The following RLIM variants were observed in gnomAD, a reference collection of about 807,000 sequenced individuals.
RLIM encodes the protein E3 ubiquitin-protein ligase RLIM.
A neutral mutation model predicts 34.0 loss-of-function variants in RLIM; 2 were observed. The observed-to-expected ratio is 0.06, with a 90% CI of 0.02 to 0.19. The LOEUF is 0.19. RLIM is among the 10% of genes least tolerant of loss of function. The probability of loss-of-function intolerance (pLI) is 1.00; values close to 1 mark genes in which losing one functional copy is unlikely to be tolerated. For synonymous variants in RLIM, 169 were observed against 164.0 expected (o/e 1.03, Z -0.23); for missense variants, 286 against 479.7 (o/e 0.60, Z 3.77).
In RLIM at chrX:74,595,921, G is replaced by C. The variant is rs769278257; in HGVS notation, c.57C>G (p.Arg19=). ...GATCCAATCGGTCCATCTGACTTCT[G>C]CGCTGTGCTGCAGACTGATCACCAC... ...KGSGDQSAAQ[R]RSQMDRLDRE... The change falls in exon 2 of 4, where the codon CGC becomes CGG. Residue 19 remains arginine, a synonymous_variant. Transcript: ENST00000332687. 8.3e-7 allele frequency: 1 copy of C among 1,205,637 alleles called. No individual in the cohort carries two copies. Among genetic ancestry groups the C allele is most frequent in the African/African-American group, 1.7e-5 (1 of 57,143 alleles).
chrX:74,592,043 G>A lies in RLIM; in HGVS notation c.1272C>T (p.Ser424=), dbSNP rs201139453. 6.0e-4 allele frequency: 720 copies of A among 1,208,766 alleles called. 2 individuals are homozygous for A. The highest frequency in any genetic ancestry group is 1.6e-3 in the Middle Eastern group (7 of 4,350). The change falls in exon 4 of 4, where the codon AGC becomes AGT. Residue 424 remains serine (S), a synonymous_variant. Transcript: ENST00000332687. ...AGACTGAGCCAGTAGGCTCTGAGTCGCTATCACTGTACATAAAATAGCTTA... is the reference window on the plus strand; with the variant it reads ...AGACTGAGCCAGTAGGCTCTGAGTCACTATCACTGTACATAAAATAGCTTA... ...GELSYFMYSD[S]DSEPTGSVSN...
chrX:74,592,036 C>G lies in RLIM; in HGVS notation c.1279G>C (p.Glu427Gln). The G allele has an allele frequency of 8.3e-7, 1 of 1,211,471 alleles. No homozygotes were observed. Residue 427 changes from glutamate (E) to glutamine (Q), a missense_variant, in exon 4 of 4, where the codon GAG becomes CAG. Around this residue, in one of 6 missense-constraint regions of RLIM, gnomAD observed 12 missense variants for 45.2 expected, o/e 0.27. Transcript: ENST00000332687. ...CGATTTGAGACTGAGCCAGTAGGCTCTGAGTCGCTATCACTGTACATAAAA... is the reference window on the plus strand; with the variant it reads ...CGATTTGAGACTGAGCCAGTAGGCTGTGAGTCGCTATCACTGTACATAAAA... ...SYFMYSDSDS[E>Q]PTGSVSNRNM...
At chrX:74,606,432 C>A in intron 1 of RLIM, among the ~76,000 whole-genome samples, 1 of 111,600 alleles carries the variant, frequency 9.0e-6, no homozygotes, top group East Asian at 2.8e-4. Flanking sequence ...AGATTTTATT[C>A]ACTTTGAGAA....
chrX:74,613,107 T>C (rs760631998), intron 1 of RLIM, among the ~76,000 whole-genome samples: 16 of 110,060 alleles, frequency 1.5e-4, no homozygotes, highest in Non-Finnish European at 3.8e-5. Context: ...TTCTACAGTT[T>C]AGAAAAGTCA....
intron 1 of RLIM, among the ~76,000 whole-genome samples, chrX:74,606,871 G>A (rs777927809): frequency 6.3e-3 from 705 of 111,682 alleles, no homozygotes; most frequent in Non-Finnish European, 9.6e-3. Context: ...TGTGGTGGCC[G>A]ACATCTGTAA....
chrX:74,608,922 C>T (rs1487562252), intron 1 of RLIM, among the ~76,000 whole-genome samples: 2 of 111,762 alleles, frequency 1.8e-5, no homozygotes, highest in African/African-American at 3.3e-5. Flanking sequence ...TTCAATTACC[C>T]GTTTTATGTT....
chrX:74,599,060 T>C (rs1193842265), intron 1 of RLIM, among the ~76,000 whole-genome samples: 1 of 111,774 alleles, frequency 8.9e-6, no homozygotes, highest in African/African-American at 3.3e-5. Context: ...GTTATTACAT[T>C]TTGAGTTTTA....
chrX:74,591,907 T>C lies in RLIM; in HGVS notation c.1408A>G (p.Ser470Gly). ...CTAGGACTGGAACTGGAACTTGAAC[T>C]GGAACTGGAACTCGAACTGGAACTG... Reference protein sequence around the residue: ...SSSSSSSSSSSSSSSSSPSSS... With the variant: ...SSSSSSSSSSGSSSSSSPSSS... Residue 470 changes from serine (S) to glycine (G), a missense_variant, in exon 4 of 4, where the codon AGT becomes GGT. Ser to Gly is a moderately conservative substitution (Grantham distance 56, BLOSUM62 0). Transcript: ENST00000332687. The C allele has an allele frequency of 8.4e-7, 1 of 1,186,477 alleles. No homozygotes were observed. The highest frequency in any genetic ancestry group is 3.0e-5 in the East Asian group (1 of 33,153).
intron 1 of RLIM, among the ~76,000 whole-genome samples, chrX:74,604,392 G>A (rs1246749096): frequency 2.7e-5 from 3 of 111,407 alleles, no homozygotes; most frequent in African/African-American, 9.8e-5. Flanking sequence ...CAGTCACATA[G>A]TGGTTAATGG....
intron 1 of RLIM, among the ~76,000 whole-genome samples, chrX:74,606,901 C>T (rs946040484): frequency 3.6e-5 from 4 of 110,994 alleles, no homozygotes; most frequent in African/African-American, 1.3e-4. Flanking sequence ...TTTGGGAGGT[C>T]GAGGTCGGCG....
intron 1 of RLIM, among the ~76,000 whole-genome samples, chrX:74,608,200 T>C (rs1208711019): frequency 8.9e-6 from 1 of 111,748 alleles, no homozygotes; most frequent in East Asian, 2.8e-4. Flanking sequence ...TATTAGAGTA[T>C]TGGATTAAAC....
rs771823704 is a variant in RLIM at position 74,583,819 on chromosome X, G to A, written c.*7621C>T. 3.6e-5 allele frequency among the ~76,000 whole-genome samples: 4 copies of A among 111,462 alleles called. No homozygotes were observed. Among genetic ancestry groups the A allele is most frequent in the Admixed American group, 1.9e-4 (2 of 10,489 alleles). ...TACCACCACTGTGGGAGGCCGAGAC[G>A]GGCAGATCATGGGATCAGGGGTTCA... On this transcript the variant is annotated 3_prime_UTR_variant, in exon 4 of 4. Transcript: ENST00000332687.
At chrX:74,611,970 T>C (rs1021216938) in intron 1 of RLIM, among the ~76,000 whole-genome samples, 4 of 111,917 alleles carry the variant, frequency 3.6e-5, no homozygotes, top group Non-Finnish European at 7.5e-5. Context: ...CCATCCCAGT[T>C]TGTCGGGGAC....
In RLIM at chrX:74,588,262, G is replaced by A. The variant is rs1218956388; in HGVS notation, c.*3178C>T. The A allele has an allele frequency of 9.0e-6, 1 of 111,397 alleles. No homozygotes were observed. Among genetic ancestry groups the A allele is most frequent in the East Asian group, 2.8e-4 (1 of 3,545 alleles). 9.2% of individuals were successfully genotyped at this position (111,397 alleles called of 1,213,427 possible). On this transcript the variant is annotated 3_prime_UTR_variant, in exon 4 of 4. Transcript: ENST00000332687. ...AGGCAGGCACATCACTTGAGGTCAGGAGTTCAAGACCAGCCTGGCCAACAC... is the reference window on the plus strand; with the variant it reads ...AGGCAGGCACATCACTTGAGGTCAGAAGTTCAAGACCAGCCTGGCCAACAC...
chrX:74,601,324 A>G (rs1424973588), intron 1 of RLIM, among the ~76,000 whole-genome samples: 3 of 112,333 alleles, frequency 2.7e-5, no homozygotes, highest in African/African-American at 9.7e-5. Context: ...TTGAGATGTC[A>G]TAGAGAACAG....
Position 74,609,290 on chromosome X carries a change from A to G in RLIM, c.-24+5132T>C, listed in dbSNP as rs1456196592. Among the ~76,000 whole-genome samples the G allele has an allele frequency of 2.7e-5, 3 of 109,447 alleles. No individual in the cohort carries two copies. The Admixed American group carries it at 2.9e-4, about 11-fold the overall frequency. On this transcript the variant is annotated intron_variant, in intron 1 of 3. Transcript: ENST00000332687. Reference sequence around the variant, plus strand: ...ATCACAAGGTCAAGAGATCAAGACCATCCTGGCTAACACAGTGAAACCCCG... The same window carrying G: ...ATCACAAGGTCAAGAGATCAAGACCGTCCTGGCTAACACAGTGAAACCCCG...
At position 74,591,815 on chromosome X, in the gene RLIM, G is replaced by A; in HGVS notation, c.1500C>T (p.Ser500=). Residue 500 remains serine (S), a synonymous_variant, in exon 4 of 4, where the codon AGC becomes AGT. Transcript: ENST00000332687. ...TGGCACCTGATGAGCCTGATGATGA[G>A]CTTCCTTCATTACTGCCTTCAAATA... The part of the protein sequence containing the change: ...SDLFEGSNEG[S]SSSGSSGARR... The A allele has an allele frequency of 1.7e-6, 2 of 1,211,451 alleles. No individual in the cohort carries two copies. Among genetic ancestry groups the A allele is most frequent in the Non-Finnish European group, 2.2e-6 (2 of 895,438 alleles).
chrX:74,591,890 G>GGAACTGGAACTT lies in RLIM; in HGVS notation c.1413_1424dup (p.Ser473_Ser476dup), dbSNP rs1403644166. The GGAACTGGAACTT allele has an allele frequency of 8.3e-7, 1 of 1,208,905 alleles. No individual in the cohort carries two copies. Among genetic ancestry groups the GGAACTGGAACTT allele is most frequent in the African/African-American group, 1.8e-5 (1 of 56,971 alleles). On this transcript the variant is annotated inframe_insertion, in exon 4 of 4. Transcript: ENST00000332687. Reference sequence around the variant, plus strand: ...CACCACCGGAACTGGAACTAGGACTGGAACTGGAACTTGAACTGGAACTGG... The same window carrying GGAACTGGAACTT: ...CACCACCGGAACTGGAACTAGGACTGGAACTGGAACTTGAACTGGAACTTGAACTGGAACTGG...
chrX:74,613,186 G>A (rs1345933648), intron 1 of RLIM, among the ~76,000 whole-genome samples: 8 of 111,076 alleles, frequency 7.2e-5, no homozygotes, highest in African/African-American at 2.6e-4. Flanking sequence ...GGGGTGATAA[G>A]TAGTTACTCT....
Sources: allele counts gnomAD v4.1 joint callset (sites outside exome capture counted in the v4.1 genomes callset), GRCh38; gene constraint gnomAD v4.1.1; regional missense constraint gnomAD v4.1.1; transcripts MANE v1.5; gene names NCBI Gene and HGNC (gene_info 2026-07-23, HGNC 2026-07-21).